CNTN4: variants seen among roughly 807,000 people sequenced by gnomAD.
CNTN4 encodes the protein contactin-4.
CNTN4 carries 77 observed loss-of-function variants against 122.5 expected under a neutral mutation model. The ratio of observed to expected loss-of-function variants is 0.63; its 90% CI spans 0.52 to 0.76. The LOEUF is 0.76. Ranked by LOEUF, CNTN4 falls within the 30% of genes least tolerant of loss-of-function variation. The pLI, the probability that CNTN4 is intolerant of heterozygous loss-of-function variation, is 0.00. For synonymous variants in CNTN4, 512 were observed against 447.0 expected, an observed-to-expected ratio of 1.15 and a Z score of -1.83; for missense variants, 1,256 against 1,259.1, an observed-to-expected ratio of 1.00 and a Z score of 0.04.
chr3:2,154,074 CTGT>C (rs1223963085), intron 2 of CNTN4, among the ~76,000 whole-genome samples: 1 of 151,452 alleles, frequency 6.6e-6, no homozygotes, highest in East Asian at 1.9e-4. Context: ...TAAATAATTC[CTGT>C]TGTCTATGAT....
chr3:2,368,782 C>A (rs2045516814), intron 3 of CNTN4, among the ~76,000 whole-genome samples: 1 of 152,152 alleles, frequency 6.6e-6, no homozygotes, highest in African/African-American at 2.4e-5. Context: ...AATAAGTTTT[C>A]TTCTCTGGTT....
intron 2 of CNTN4, among the ~76,000 whole-genome samples, chr3:2,118,423 T>G (rs539085327): frequency 9.8e-5 from 15 of 152,332 alleles, no homozygotes; most frequent in African/African-American, 3.1e-4. Context: ...GCAAGGAAGG[T>G]GAATCTTCAT....
At chr3:2,966,539 G>T (rs1692328357) in intron 13 of CNTN4, among the ~76,000 whole-genome samples, 1 of 152,132 alleles carries the variant, frequency 6.6e-6, no homozygotes. Flanking sequence ...TAGACAGGAT[G>T]AAGAAAATCT....
intron 3 of CNTN4, among the ~76,000 whole-genome samples, chr3:2,566,501 G>T (rs956041890): frequency 7.2e-5 from 11 of 152,216 alleles, no homozygotes; most frequent in Admixed American, 5.9e-4. Flanking sequence ...ACTAGCTGTT[G>T]ATTGGCTGCC....
chr3:2,575,809 C>CTTTT lies in CNTN4; in HGVS notation c.55+4276_55+4279dup, dbSNP rs56303805. On this transcript the variant is annotated intron_variant, in intron 4 of 24. Coordinates refer to ENST00000418658, the MANE Select transcript of CNTN4 (RefSeq NM_175607.3). The stretch of plus-strand genomic sequence containing the variant: ...TGATATATTTTGCTTTCTTCTTCTT[C>CTTTT]TTTTTTTTTTTTTTTTTTTTTTTTT... Among the ~76,000 whole-genome samples, 8 of 101,240 alleles carry CTTTT rather than the reference C, an allele frequency of 7.9e-5. 1 individual carries two copies. The highest frequency in any genetic ancestry group is 3.5e-4 in the Admixed American group (3 of 8,620). 66.4% of individuals were successfully genotyped at this position (101,240 alleles called of 152,430 possible). A position where few individuals can be genotyped will look rare whatever the true frequency, so the allele number is the denominator to read the frequency against.
In CNTN4 at chr3:2,488,458, GT is replaced by G. The variant is rs1559600382; in HGVS notation, c.-88-82957del. ...TTCCAGTGTGAGTGAGTGTTGGGGG[GT>G]GTGTGTGCCCTGTGTGAGATGTCCT... On this transcript the variant is annotated intron_variant, in intron 3 of 24. Coordinates refer to ENST00000418658, the MANE Select transcript of CNTN4 (RefSeq NM_175607.3). 2.4e-4 allele frequency among the ~76,000 whole-genome samples: 37 copies of G among 152,078 alleles called. No homozygotes were observed. The South Asian group carries it at 5.6e-3, about 23-fold the overall frequency.
At chr3:2,164,507 C>T (rs181723114) in intron 2 of CNTN4, among the ~76,000 whole-genome samples, 1 of 152,238 alleles carries the variant, frequency 6.6e-6, no homozygotes, top group African/African-American at 2.4e-5. Flanking sequence ...TTCTTCAAGC[C>T]TTCACATTGA....
In CNTN4 at chr3:3,037,453, T is replaced by C. The variant is rs1339285115; in HGVS notation, c.2092+125T>C. ...GTGTTAGCTCACCCTTCCCTTTAAA[T>C]GTTTATAATGATAGAAATCAGGCCA... On this transcript the variant is annotated intron_variant, in intron 18 of 24. Coordinates refer to ENST00000418658, the MANE Select transcript of CNTN4 (RefSeq NM_175607.3). 5.6e-5 allele frequency: 73 copies of C among 1,314,828 alleles called. No individual in the cohort carries two copies. In the East Asian group the frequency reaches 1.7e-3, roughly 30 times the overall value. 81.4% of individuals were successfully genotyped at this position (1,314,828 alleles called of 1,614,324 possible).
chr3:2,338,257 A>G (rs749044882), intron 2 of CNTN4, among the ~76,000 whole-genome samples: 2 of 151,960 alleles, frequency 1.3e-5, no homozygotes, highest in African/African-American at 2.4e-5. Flanking sequence ...GTAGTTAGGT[A>G]TTTAATATAG....
intron 4 of CNTN4, among the ~76,000 whole-genome samples, chr3:2,728,020 T>G (rs2088363620): frequency 6.6e-6 from 1 of 152,220 alleles, no homozygotes; most frequent in African/African-American, 2.4e-5. Flanking sequence ...AGAAACGCTG[T>G]GTGTTGGCCA....
chr3:2,965,272 C>G (rs1692188022), intron 13 of CNTN4, among the ~76,000 whole-genome samples: 1 of 152,206 alleles, frequency 6.6e-6, no homozygotes, highest in African/African-American at 2.4e-5. Context: ...CTCCTCCTAA[C>G]TGTTCCTCCT....
At chr3:2,762,747 G>A (rs1010439079) in intron 6 of CNTN4, among the ~76,000 whole-genome samples, 2 of 152,138 alleles carry the variant, frequency 1.3e-5, no homozygotes, top group African/African-American at 2.4e-5. Context: ...TTGAGGGATC[G>A]CCACACTGTC....
At chr3:2,806,155 C>T (rs1466578278) in intron 6 of CNTN4, among the ~76,000 whole-genome samples, 1 of 152,166 alleles carries the variant, frequency 6.6e-6, no homozygotes, top group Non-Finnish European at 1.5e-5. Flanking sequence ...CCTGCCTCGG[C>T]CTCCCAAAGT....
intron 3 of CNTN4, among the ~76,000 whole-genome samples, chr3:2,360,649 G>A (rs1354968088): frequency 6.6e-6 from 1 of 152,152 alleles, no homozygotes; most frequent in East Asian, 1.9e-4. Context: ...CTAAGGGGAA[G>A]CAAGGAACCT....
At position 3,053,956 on chromosome 3, in the gene CNTN4, T is replaced by C; in HGVS notation, c.2961T>C (p.Ile987=). The C allele has an allele frequency of 6.2e-7, 1 of 1,614,182 alleles. No homozygotes were observed. The highest frequency in any genetic ancestry group is 8.5e-7 in the Non-Finnish European group (1 of 1,180,024). The change falls in exon 24 of 25, where the codon ATT becomes ATC. Residue 987 remains isoleucine (I), a synonymous_variant. Transcript: ENST00000418658. ...DGGDGSSSEQ[I]RIPKISNAYA... ...GAGATGGCAGCAGCAGTGAACAAAT[T>C]CGAATTCCAAAGATATCAAGTGAGA...
intron 4 of CNTN4, among the ~76,000 whole-genome samples, chr3:2,735,267 C>T (rs958147721): frequency 5.3e-5 from 8 of 152,160 alleles, no homozygotes; most frequent in Non-Finnish European, 1.0e-4. Context: ...TTTTGAAAAA[C>T]GAAAATCACT....
chr3:2,629,969 A>G lies in CNTN4; in HGVS notation c.55+58411A>G, dbSNP rs181582932. 1.1e-4 allele frequency among the ~76,000 whole-genome samples: 16 copies of G among 152,184 alleles called. No homozygotes were observed. The East Asian group carries it at 2.9e-3, about 28-fold the overall frequency. ...CTCTGCTAAGTTATCATTTCTCTTT[A>G]CCTGGAGCCAGAAAAGTAGGACCCT... On this transcript the variant is annotated intron_variant, in intron 4 of 24. Coordinates refer to ENST00000418658, the MANE Select transcript of CNTN4 (RefSeq NM_175607.3).
In CNTN4 at chr3:2,819,520, T is replaced by C. The variant is rs2092816007; in HGVS notation, c.393T>C (p.Thr131=). 3.7e-6 allele frequency: 6 copies of C among 1,614,164 alleles called. No homozygotes were observed. The highest frequency in any genetic ancestry group is 5.1e-6 in the Non-Finnish European group (6 of 1,179,994). The change falls in exon 7 of 25, where the codon ACT becomes ACC. Residue 131 remains threonine, a synonymous_variant. Transcript: ENST00000418658. ...LDNFKTRTRS[T]VSVRRGQGMV... ...ACTTTAAAACAAGAACAAGAAGCAC[T>C]GTGTCTGTCCGTCGAGGTCAAGGAA...
intron 13 of CNTN4, among the ~76,000 whole-genome samples, chr3:2,984,977 CTG>C (rs1402823113): frequency 6.6e-6 from 1 of 152,202 alleles, no homozygotes; most frequent in African/African-American, 2.4e-5. Context: ...GTTCACCACT[CTG>C]TTTTTGTCAG....
Sources: allele counts gnomAD v4.1 joint callset (sites outside exome capture counted in the v4.1 genomes callset), GRCh38; gene constraint gnomAD v4.1.1; transcripts MANE v1.5; gene names NCBI Gene and HGNC (gene_info 2026-07-23, HGNC 2026-07-21).